The following DRC3 variants were observed in gnomAD, a reference collection of about 807,000 sequenced individuals.
DRC3 encodes the protein dynein regulatory complex subunit 3, also known as leucine rich repeat containing 48.
DRC3 carries 45 observed loss-of-function variants against 57.6 expected under a neutral mutation model. That is an observed-to-expected ratio of 0.78 (90% CI 0.62 to 1.00). The LOEUF (loss-of-function observed/expected upper bound fraction) is 1.00, where lower values mean the gene tolerates loss of function less well. DRC3 is among the 50% of genes least tolerant of loss of function. The pLI is 0.00. For missense variants in DRC3, 655 were observed against 675.2 expected, an observed-to-expected ratio of 0.97 and a Z score of 0.33; for synonymous variants, 257 against 272.3, an observed-to-expected ratio of 0.94 and a Z score of 0.55.
intron 5 of DRC3, among the ~76,000 whole-genome samples, chr17:17,990,209 G>C (rs986908948): frequency 6.6e-6 from 1 of 152,186 alleles, no homozygotes; most frequent in Non-Finnish European, 1.5e-5. Flanking sequence ...TCATGGCTGG[G>C]TGACGGCCAG....
rs139178731 is a variant in DRC3 at position 17,976,937 on chromosome 17, C to G, written c.-17-645C>G. Among the ~76,000 whole-genome samples the G allele has an allele frequency of 6.3e-3, 958 of 152,268 alleles. 9 individuals carry two copies. The highest frequency in any genetic ancestry group is 7.1e-3 in the Non-Finnish European group (481 of 68,006). On this transcript the variant is annotated intron_variant, in intron 2 of 13. Transcript: ENST00000399187. The stretch of plus-strand genomic sequence containing the variant: ...TCTTGCTCTCTGCTTAACTATGTAC[C>G]CAGCCAGCCCACACTCCCTATTCCT...
chr17:17,987,854 A>C, intron 4 of DRC3, 78 bp from the exon 5 acceptor site: 1 of 1,457,602 alleles, frequency 6.9e-7, no homozygotes, highest in South Asian at 1.2e-5. Flanking sequence ...GGCACTCAGT[A>C]GCCCTGATGG....
intron 12 of DRC3, among the ~76,000 whole-genome samples, chr17:18,012,493 A>G (rs1305882646): frequency 2.0e-5 from 3 of 152,190 alleles, no homozygotes; most frequent in African/African-American, 4.8e-5. Context: ...CAGCCTGGGC[A>G]ACATGGCAAA....
At chr17:17,979,114 A>C (rs2042532329) in intron 3 of DRC3, among the ~76,000 whole-genome samples, 2 of 152,264 alleles carry the variant, frequency 1.3e-5, no homozygotes, top group South Asian at 4.2e-4. Flanking sequence ...TTTAGCAACA[A>C]CTTGAGGTAG....
intron 2 of DRC3, among the ~76,000 whole-genome samples, chr17:17,976,531 A>C (rs2042394132): frequency 6.6e-6 from 1 of 152,268 alleles, no homozygotes; most frequent in Non-Finnish European, 1.5e-5. Flanking sequence ...AATACAAAAA[A>C]TTAGCCAGGC....
chr17:17,983,533 C>T (rs569891604), intron 3 of DRC3, among the ~76,000 whole-genome samples: 2 of 152,242 alleles, frequency 1.3e-5, no homozygotes, highest in East Asian at 1.9e-4. Context: ...ACAGCACAAG[C>T]GAGTCTCCTG....
chr17:17,977,375 G>A (rs907468981), intron 2 of DRC3: 4 of 569,370 alleles, frequency 7.0e-6, no homozygotes, highest in African/African-American at 5.7e-5. Flanking sequence ...GAAACCCTGT[G>A]GACAGGCCCA....
chr17:17,977,559 A>C, intron 2 of DRC3, 23 bp from the exon 3 acceptor site: 1 of 1,613,552 alleles, frequency 6.2e-7, no homozygotes, highest in Non-Finnish European at 8.5e-7. Context: ...CAGGCCGTGA[A>C]GGAAGAATGC....
intron 4 of DRC3, among the ~76,000 whole-genome samples, chr17:17,987,164 G>A (rs941892415): frequency 4.3e-5 from 6 of 140,042 alleles, no homozygotes; most frequent in South Asian, 2.5e-4. Context: ...GCAATGAACC[G>A]TGATTGCGCC....
At chr17:17,990,313 G>C (rs962145072) in intron 5 of DRC3, among the ~76,000 whole-genome samples, 10 of 152,256 alleles carry the variant, frequency 6.6e-5, no homozygotes, top group African/African-American at 2.4e-4. Flanking sequence ...AGTCTCAGAA[G>C]TTTGCCCTGC....
intron 9 of DRC3, among the ~76,000 whole-genome samples, chr17:17,999,908 G>A (rs2043619978): frequency 6.6e-6 from 1 of 151,944 alleles, no homozygotes; most frequent in Non-Finnish European, 1.5e-5. Context: ...TCCTACTCCT[G>A]TATCTCTGTG....
intron 12 of DRC3, among the ~76,000 whole-genome samples, chr17:18,013,223 CT>C (rs1317600400): frequency 1.3e-5 from 2 of 152,204 alleles, no homozygotes; most frequent in East Asian, 3.9e-4. Flanking sequence ...AGGACAGCCA[CT>C]AGGAAGAACA....
intron 2 of DRC3, among the ~76,000 whole-genome samples, chr17:17,977,101 G>C (rs1018248688): frequency 1.3e-5 from 2 of 152,168 alleles, no homozygotes; most frequent in African/African-American, 4.8e-5. Context: ...TGTGGTGTGG[G>C]GCATACACAC....
intron 2 of DRC3, 45 bp from the exon 3 acceptor site, chr17:17,977,537 C>G: frequency 1.2e-6 from 2 of 1,609,752 alleles, no homozygotes; most frequent in Non-Finnish European, 8.5e-7. Flanking sequence ...TGCCCTCAAA[C>G]AGAGAAAGAA....
intron 12 of DRC3, chr17:18,010,860 A>C: frequency 2.7e-6 from 1 of 369,698 alleles, no homozygotes; most frequent in South Asian, 2.2e-5. Flanking sequence ...AGTCCCTGGA[A>C]GAGATCTATC....
intron 5 of DRC3, among the ~76,000 whole-genome samples, chr17:17,991,226 A>AT (rs1014004373): frequency 1.5e-4 from 21 of 139,132 alleles, no homozygotes; most frequent in Admixed American, 1.0e-3. Flanking sequence ...AGCATGCTAG[A>AT]TTTTTTTTTC....
intron 4 of DRC3, among the ~76,000 whole-genome samples, chr17:17,984,652 T>C (rs1377002076): frequency 6.6e-6 from 1 of 152,082 alleles, no homozygotes; most frequent in Non-Finnish European, 1.5e-5. Context: ...ATAATCCCAA[T>C]CTACAGAAGA....
In DRC3 at chr17:17,981,792, G is replaced by T. The variant is rs140185915; in HGVS notation, c.161-2036G>T. ...GGCTCACTGCATCTCTGCCTCCTGG[G>T]TTCAAGTGATTCTGCTGCCTCAGCC... On this transcript the variant is annotated intron_variant, in intron 3 of 13. Transcript: ENST00000399187. Among the ~76,000 whole-genome samples, 780 of 152,304 alleles carry T rather than the reference G, an allele frequency of 5.1e-3. 5 individuals are homozygous for T. The highest frequency in any genetic ancestry group is 0.03 in the East Asian group (155 of 5,196).
At position 18,008,395 on chromosome 17, in the gene DRC3, A is replaced by G. The variant is rs115944797; in HGVS notation, c.1326+1248A>G. ...ATGTGTATTTGCTGCTGATGTGACTATTCACACTACATGTAAGCTCAGGAG... is the reference window on the plus strand; with the variant it reads ...ATGTGTATTTGCTGCTGATGTGACTGTTCACACTACATGTAAGCTCAGGAG... On this transcript the variant is annotated intron_variant, in intron 12 of 13. Coordinates refer to ENST00000399187, the MANE Select transcript of DRC3 (RefSeq NM_031294.4). The surrounding 1 kb of genome is among the most constrained non-coding windows in gnomAD (Gnocchi z 4.3). Among the ~76,000 whole-genome samples the G allele has an allele frequency of 1.3e-5, 2 of 152,236 alleles. No homozygotes were observed. Among genetic ancestry groups the G allele is most frequent in the Non-Finnish European group, 2.9e-5 (2 of 68,052 alleles).
Sources: gnomAD v4.1 joint callset for allele counts (sites outside exome capture counted in the v4.1 genomes callset) on GRCh38, gnomAD v4.1.1 for gene constraint, Gnocchi (gnomAD v3.1) non-coding constraint, MANE v1.5 for transcripts, NCBI Gene and HGNC (gene_info 2026-07-23, HGNC 2026-07-21) for gene names.